Variants in TCEA2 observed in about 807,000 individuals in gnomAD.
The protein encoded by TCEA2 is transcription elongation factor A protein 2.
Under a neutral mutation model 40.8 loss-of-function variants are expected in TCEA2, and 21 were observed. The ratio of observed to expected loss-of-function variants is 0.51; its 90% confidence interval spans 0.36 to 0.74. The LOEUF (loss-of-function observed/expected upper bound fraction) is 0.74. TCEA2 is among the 30% of genes least tolerant of loss of function. The pLI is 0.00. For missense variants in TCEA2, 326 were observed against 426.5 expected (o/e 0.76, Z 2.08); for synonymous variants, 165 against 162.7 (o/e 1.01, Z -0.11).
chr20:64,064,782 G>A (rs868025428), intron 1 of TCEA2, among the ~76,000 whole-genome samples: 3 of 152,282 alleles, frequency 2.0e-5, no homozygotes, highest in South Asian at 2.1e-4. Flanking sequence ...CCATCATTGC[G>A]TTCACACACA....
At chr20:64,058,839 G>T (rs1379436906), upstream of TCEA2, among the ~76,000 whole-genome samples, 1 of 152,154 alleles carries the variant, frequency 6.6e-6, no homozygotes, top group Admixed American at 6.5e-5. This position sits in a 1 kb window ranked among gnomAD's most constrained non-coding sequence, Gnocchi z 6.7. Flanking sequence ...GACCAGATTT[G>T]GTTCATGGCC....
At chr20:64,066,394 G>C in intron 1 of TCEA2, 82 bp from the exon 2 acceptor site, 1 of 1,519,348 alleles carries the variant, frequency 6.6e-7, no homozygotes, top group Non-Finnish European at 9.1e-7. Flanking sequence ...ACTGCCTTGT[G>C]TTCTCCTCCA....
chr20:64,057,168 C>T (rs555329424), upstream of TCEA2: 30 of 152,368 alleles, frequency 2.0e-4, no homozygotes, highest in African/African-American at 7.2e-4. Context: ...CCTCCACCTG[C>T]ACGTCATGTG....
intron 4 of TCEA2, 48 bp from the exon 5 acceptor site, chr20:64,069,313 G>T (rs778297445): frequency 2.0e-6 from 3 of 1,524,706 alleles, no homozygotes; most frequent in African/African-American, 2.7e-5. Context: ...TCTCGCTGGG[G>T]TGCCTGCAGC....
chr20:64,070,138 C>CCGA lies in TCEA2; in HGVS notation c.518-120_518-118dup, dbSNP rs2059794849. The CCGA allele has an allele frequency of 3.4e-6, 5 of 1,452,516 alleles. No homozygotes were observed. The Admixed American group carries it at 9.2e-5, about 27-fold the overall frequency. 90.0% of individuals were successfully genotyped at this position (1,452,516 alleles called of 1,614,324 possible). A position where few individuals can be genotyped will look rare whatever the true frequency, so the allele number is the denominator to read the frequency against. ...TCTCCACCAGGTGTGGGTGGGCAGACCGACCCCTGTGTGGCTGGGCAGAAC... is the reference window on the plus strand; with the variant it reads ...TCTCCACCAGGTGTGGGTGGGCAGACCGACGACCCCTGTGTGGCTGGGCAGAAC... On this transcript the variant is annotated intron_variant, in intron 6 of 9. Transcript: ENST00000343484.
chr20:64,072,024 G>T (rs1222970007), intron 9 of TCEA2, 83 bp downstream of exon 9: 6 of 1,602,016 alleles, frequency 3.7e-6, no homozygotes, highest in African/African-American at 1.3e-5. Flanking sequence ...TCTGTGGTGT[G>T]AACTGGGGAT....
rs150904440 is a variant in TCEA2, at chr20:64,072,246, C to T, written c.*66C>T. ...CCCACGTCCTCCGTTGACACAGCTT[C>T]TCTGGAGACCCTAGAAGGCGGCATG... On this transcript the variant is annotated 3_prime_UTR_variant, in exon 10 of 10. Coordinates refer to ENST00000343484, the MANE Select transcript of TCEA2 (RefSeq NM_003195.6). The T allele has an allele frequency of 1.1e-3, 1,802 of 1,571,710 alleles. 18 individuals are homozygous for T. In the African/African-American group the frequency reaches 0.022, roughly 19 times the overall value.
rs2059796705 is a variant in TCEA2 at position 64,070,192 on chromosome 20, C to T, written c.518-68C>T. 4 of 1,589,606 alleles carry T rather than the reference C, an allele frequency of 2.5e-6. 1 individual carries two copies. The highest frequency in any genetic ancestry group is 3.4e-6 in the Non-Finnish European group (4 of 1,166,230). On this transcript the variant is annotated intron_variant, in intron 6 of 9. Coordinates refer to ENST00000343484, the MANE Select transcript of TCEA2 (RefSeq NM_003195.6). Reference sequence around the variant, plus strand: ...TCCAGCCCCCACCCCAACATGGCCCCCAGCGGGGCAGGTGGTAGGTGGAGG... The same window carrying T: ...TCCAGCCCCCACCCCAACATGGCCCTCAGCGGGGCAGGTGGTAGGTGGAGG...
chr20:64,062,996 G>A (rs932063926), upstream of TCEA2: 70 of 195,402 alleles, frequency 3.6e-4, 1 homozygote, highest in East Asian at 8.8e-3. Flanking sequence ...CCTCCCTCGC[G>A]GGGTATTGTG....
In TCEA2 at chr20:64,063,275, C is replaced by A; in HGVS notation, c.-38C>A. On this transcript the variant is annotated 5_prime_UTR_variant, in exon 1 of 10. Coordinates refer to ENST00000343484, the MANE Select transcript of TCEA2 (RefSeq NM_003195.6). ...CCGGGGTCCTGCCCGGCTGCGGAGG[C>A]GGGCGCGACGGGCGCGGGGGTCGCT... 5 of 1,506,166 alleles carry A rather than the reference C, an allele frequency of 3.3e-6. No individual in the cohort carries two copies. Among genetic ancestry groups the A allele is most frequent in the Non-Finnish European group, 3.5e-6 (4 of 1,129,930 alleles). 93.3% of individuals were successfully genotyped at this position (1,506,166 alleles called of 1,614,324 possible).
rs376517066 is a variant in TCEA2 at position 64,068,164 on chromosome 20, C to A, written c.329+30C>A. The A allele has an allele frequency of 2.6e-6, 4 of 1,565,268 alleles. No homozygotes were observed. The African/African-American group carries it at 5.4e-5, about 21-fold the overall frequency. ...CACACCTGGAAGGCAGGTGCACACA[C>A]TTCTGCTTCCCAGCCTGTTTCCTTG... On this transcript the variant is annotated intron_variant, in intron 4 of 9. Transcript: ENST00000343484.
chr20:64,066,384 A>C (rs1184111203), intron 1 of TCEA2, 92 bp from the exon 2 acceptor site: 72 of 1,477,122 alleles, frequency 4.9e-5, no homozygotes, highest in Non-Finnish European at 6.6e-5. Flanking sequence ...CCAAATTGTC[A>C]CTGCCTTGTG....
intron 1 of TCEA2, chr20:64,057,789 A>G (rs1054636859): frequency 1.1e-4 from 16 of 152,168 alleles, no homozygotes; most frequent in African/African-American, 3.4e-4. Context: ...GCCCTCACAA[A>G]CGAGGCCACT....
chr20:64,067,496 A>G (rs13042180), intron 3 of TCEA2, among the ~76,000 whole-genome samples: 18,973 of 99,572 alleles, frequency 0.19, 1,727 homozygotes, highest in African/African-American at 0.31. Context: ...GCTGGGCTGG[A>G]CTGAAGGCTG....
chr20:64,072,096 G>A (rs2059852458), intron 9 of TCEA2, 76 bp from the exon 10 acceptor site: 1 of 1,604,478 alleles, frequency 6.2e-7, no homozygotes, highest in African/African-American at 1.3e-5. Context: ...CCAGCCTTGG[G>A]TGAGCCTGTG....
At chr20:64,056,409 G>A (rs1467639214), upstream of TCEA2, among the ~76,000 whole-genome samples, 1 of 152,192 alleles carries the variant, frequency 6.6e-6, no homozygotes, top group Non-Finnish European at 1.5e-5. Context: ...GGCCTGGGTG[G>A]GGTCCACTGG....
chr20:64,071,164 A>G lies in TCEA2; in HGVS notation c.819+529A>G, dbSNP rs1177137795. On this transcript the variant is annotated intron_variant, in intron 8 of 9. Coordinates refer to ENST00000343484, the MANE Select transcript of TCEA2 (RefSeq NM_003195.6). ...GGAGTTCGAGACCAGCCTGACCAAC[A>G]TGGTGAAACCCCGTCTCTACTAAAA... Among the ~76,000 whole-genome samples, 11 of 152,170 alleles carry G rather than the reference A, an allele frequency of 7.2e-5. 1 individual carries two copies. Among genetic ancestry groups the G allele is most frequent in the Admixed American group, 7.2e-4 (11 of 15,288 alleles).
Position 64,066,063 on chromosome 20 carries a change from G to A in TCEA2, c.73-413G>A, listed in dbSNP as rs996871399. The A allele has an allele frequency of 4.7e-5, 8 of 170,652 alleles. No individual in the cohort carries two copies. In the Admixed American group the frequency reaches 4.7e-4, roughly 10 times the overall value. The allele number at this position is 170,652 out of a possible 1,614,324, so 10.6% of individuals were successfully genotyped here. ...AGACACAGGGGAGTGAATGAACCTG[G>A]GGCTGCAGTTTCACCTGGGTGTGGC... is the stretch of plus-strand genomic sequence containing the variant. On this transcript the variant is annotated intron_variant, in intron 1 of 9. Coordinates refer to ENST00000343484, the MANE Select transcript of TCEA2 (RefSeq NM_003195.6).
intron 4 of TCEA2, among the ~76,000 whole-genome samples, chr20:64,068,502 T>C (rs894276937): frequency 1.3e-5 from 2 of 152,360 alleles, no homozygotes; most frequent in East Asian, 3.9e-4. Flanking sequence ...CCCTCCTTCC[T>C]GCAAAATTCT....
Sources: gnomAD v4.1 joint callset for allele counts (sites outside exome capture counted in the v4.1 genomes callset) on GRCh38, gnomAD v4.1.1 for gene constraint, Gnocchi (gnomAD v3.1) non-coding constraint, MANE v1.5 for transcripts, NCBI Gene and HGNC (gene_info 2026-07-23, HGNC 2026-07-21) for gene names.